EYS: variants seen among roughly 807,000 people sequenced by gnomAD.
EYS encodes EGF-like photoreceptor maintenance factor, also known as protein eyes shut homolog.
A neutral mutation model predicts 282.1 loss-of-function variants in EYS; 250 were observed. The ratio of observed to expected loss-of-function variants is 0.89; its 90% confidence interval spans 0.80 to 0.98. The LOEUF (loss-of-function observed/expected upper bound fraction) is 0.98. Ranked by LOEUF, EYS falls within the 50% of genes least tolerant of loss-of-function variation. The pLI, the probability that EYS is intolerant of heterozygous loss-of-function variation, is 0.00. For missense variants in EYS, 4,016 were observed against 3,709.0 expected (o/e 1.08, Z -2.15); for synonymous variants, 1,355 against 1,282.9 (o/e 1.06, Z -1.20).
intron 26 of EYS, among the ~76,000 whole-genome samples, chr6:64,440,987 CT>C (rs758889033): frequency 6.6e-6 from 1 of 152,084 alleles, no homozygotes; most frequent in Non-Finnish European, 1.5e-5. Flanking sequence ...AACATGAATT[CT>C]GCTAAAATTG....
chr6:64,859,358 A>G (rs893079823), intron 19 of EYS, among the ~76,000 whole-genome samples: 15 of 151,522 alleles, frequency 9.9e-5, no homozygotes, highest in African/African-American at 3.6e-4. Context: ...TAAAAATATT[A>G]CAACATGTAT....
intron 41 of EYS, among the ~76,000 whole-genome samples, chr6:63,757,008 A>G (rs1265653641): frequency 1.3e-5 from 2 of 152,260 alleles, no homozygotes; most frequent in Middle Eastern, 3.4e-3. Flanking sequence ...AAATCAGTGC[A>G]CCTTGAAAAA....
In EYS at chr6:65,198,295, C is replaced by T. The variant is rs76223410; in HGVS notation, c.2023+97568G>A. On this transcript the variant is annotated intron_variant, in intron 12 of 42. Coordinates refer to ENST00000503581, the MANE Select transcript of EYS (RefSeq NM_001142800.2). ...GATAGCAAGGCTGCCTTCTGGAATA[C>T]CCTCGAAAGATCTGCCTGAGGTTGT... Among the ~76,000 whole-genome samples, 395 of 152,162 alleles carry T rather than the reference C, an allele frequency of 2.6e-3. 2 individuals are homozygous for T. Among genetic ancestry groups the T allele is most frequent in the African/African-American group, 9.0e-3 (374 of 41,532 alleles).
chr6:64,296,695 C>T (rs987451728), intron 30 of EYS, among the ~76,000 whole-genome samples: 1 of 149,860 alleles, frequency 6.7e-6, no homozygotes, highest in Non-Finnish European at 1.5e-5. Context: ...CACCCTCTGC[C>T]TCTTGGGTTC....
intron 5 of EYS, among the ~76,000 whole-genome samples, chr6:65,456,267 AT>A (rs1321412334): frequency 2.0e-5 from 3 of 152,116 alleles, no homozygotes; most frequent in Admixed American, 2.0e-4. Flanking sequence ...TCTGGCCAAC[AT>A]GGTGAAACCC....
chr6:64,124,882 A>T (rs1012283564), intron 31 of EYS, among the ~76,000 whole-genome samples: 1 of 152,174 alleles, frequency 6.6e-6, no homozygotes, highest in Non-Finnish European at 1.5e-5. Flanking sequence ...AAGAGCGATA[A>T]AGCTGATTTA....
intron 30 of EYS, among the ~76,000 whole-genome samples, chr6:64,231,613 C>T (rs767592639): frequency 3.9e-5 from 6 of 152,212 alleles, no homozygotes; most frequent in Middle Eastern, 3.4e-3. Context: ...GCTAAGCCCA[C>T]GCCTGCATTA....
chr6:64,741,597 T>G (rs1772374517), intron 22 of EYS, among the ~76,000 whole-genome samples: 1 of 152,232 alleles, frequency 6.6e-6, no homozygotes, highest in Non-Finnish European at 1.5e-5. Flanking sequence ...TTATCTACAT[T>G]GCAAATCTGT....
chr6:64,626,225 C>A lies in EYS; in HGVS notation c.3464G>T (p.Gly1155Val). 1 of 1,529,210 alleles carries A rather than the reference C, an allele frequency of 6.5e-7. No individual in the cohort carries two copies. The highest frequency in any genetic ancestry group is 1.3e-5 in the South Asian group (1 of 78,024). 94.7% of individuals were successfully genotyped at this position (1,529,210 alleles called of 1,614,324 possible). The change falls in exon 23 of 43, where the codon GGT becomes GTT. Residue 1155 changes from glycine to valine, a missense_variant. Transcript: ENST00000503581. ...ATTTATATTAATTTCACAAAATTGA[C>A]CAGAAAATCCAGGAAGACATCTAAG... ...FDCRCLPGFS[G>V]QFCEININEC...
intron 2 of EYS, among the ~76,000 whole-genome samples, chr6:65,599,795 A>G (rs354343): frequency 0.82 from 124,021 of 151,844 alleles, 50,828 homozygotes; most frequent in East Asian, 0.97. Context: ...ATTCATAGGG[A>G]AGGGGTTGGG....
chr6:65,002,385 T>TA (rs141471262), intron 13 of EYS, among the ~76,000 whole-genome samples: 11,410 of 147,296 alleles, frequency 0.077, 1,750 homozygotes, highest in East Asian at 0.17. Flanking sequence ...ATATGGCATA[T>TA]AGTCCACAGA....
rs1168538332 is a variant in EYS at position 65,629,392 on chromosome 6, C to G, written c.-333+10386G>C. 2.6e-5 allele frequency among the ~76,000 whole-genome samples: 4 copies of G among 152,224 alleles called. No individual in the cohort carries two copies. The East Asian group carries it at 7.7e-4, about 29-fold the overall frequency. On this transcript the variant is annotated intron_variant, in intron 2 of 42. Transcript: ENST00000503581. ...ATTAGTCAGGCTGCAATTTGATTCA[C>G]TTCCTTGTAACCAAAATCAAAGTCA... is the stretch of plus-strand genomic sequence containing the variant.
At chr6:64,240,495 A>C (rs1233432337) in intron 30 of EYS, among the ~76,000 whole-genome samples, 1 of 151,874 alleles carries the variant, frequency 6.6e-6, no homozygotes, top group African/African-American at 2.4e-5. Flanking sequence ...ATTCCTAGGT[A>C]TTTTATTCTC....
intron 19 of EYS, among the ~76,000 whole-genome samples, chr6:64,879,559 A>T (rs1026085953): frequency 1.3e-5 from 2 of 151,686 alleles, no homozygotes; most frequent in South Asian, 4.2e-4. Context: ...ACATTGCAGA[A>T]TGCGCTAAAA....
At chr6:64,482,819 G>A (rs949427615) in intron 26 of EYS, among the ~76,000 whole-genome samples, 2 of 151,642 alleles carry the variant, frequency 1.3e-5, no homozygotes, top group Non-Finnish European at 3.0e-5. Context: ...TTTTTTACCT[G>A]CAGATGACTA....
At chr6:63,852,964 G>C (rs1390503948) in intron 36 of EYS, among the ~76,000 whole-genome samples, 1 of 152,086 alleles carries the variant, frequency 6.6e-6, no homozygotes, top group Non-Finnish European at 1.5e-5. Context: ...CAATAAACTA[G>C]GTATTGATGG....
intron 22 of EYS, among the ~76,000 whole-genome samples, chr6:64,770,207 T>C (rs1583138162): frequency 6.6e-6 from 1 of 152,016 alleles, no homozygotes; most frequent in South Asian, 2.1e-4. Context: ...TACTTTCTTT[T>C]GACTACCTCT....
At chr6:64,204,777 A>G (rs1039576826) in intron 31 of EYS, among the ~76,000 whole-genome samples, 3 of 152,300 alleles carry the variant, frequency 2.0e-5, no homozygotes, top group Non-Finnish European at 2.9e-5. Flanking sequence ...TATTAAGTTC[A>G]TGCATTTGTT....
At chr6:64,164,706 A>G (rs144925941) in intron 31 of EYS, among the ~76,000 whole-genome samples, 3 of 152,242 alleles carry the variant, frequency 2.0e-5, no homozygotes, top group African/African-American at 4.8e-5. Flanking sequence ...TCCAAGAAAC[A>G]AGGGCTTTTG....
Sources: gnomAD v4.1 joint callset for allele counts (sites outside exome capture counted in the v4.1 genomes callset) on GRCh38, gnomAD v4.1.1 for gene constraint, MANE v1.5 for transcripts, NCBI Gene and HGNC (gene_info 2026-07-23, HGNC 2026-07-21) for gene names.